The following STK32B variants were observed in gnomAD, a reference collection of about 807,000 sequenced individuals.
The protein encoded by STK32B is serine/threonine-protein kinase 32B.
A neutral mutation model predicts 52.6 loss-of-function variants in STK32B; 43 were observed. The observed-to-expected ratio is 0.82, with a 90% confidence interval of 0.64 to 1.05. STK32B has a LOEUF of 1.05. Ranked by LOEUF, STK32B falls within the 50% of genes least tolerant of loss-of-function variation. STK32B has a pLI of 0.00. For synonymous variants in STK32B, 238 were observed against 204.3 expected (o/e 1.17, Z -1.41); for missense variants, 621 against 534.6 (o/e 1.16, Z -1.59).
At chr4:5,256,852 G>C (rs1461635897) in intron 3 of STK32B, among the ~76,000 whole-genome samples, 3 of 152,104 alleles carry the variant, frequency 2.0e-5, no homozygotes, top group African/African-American at 2.4e-5. Context: ...CTCCTTTCCT[G>C]GTGAGATGGA....
intron 3 of STK32B, among the ~76,000 whole-genome samples, chr4:5,260,614 A>G (rs963604053): frequency 1.3e-5 from 2 of 152,232 alleles, no homozygotes; most frequent in Non-Finnish European, 2.9e-5. Flanking sequence ...GGAGAGAAAC[A>G]TAAGTAAAGG....
chr4:5,357,220 C>T (rs979999613), intron 4 of STK32B, among the ~76,000 whole-genome samples: 3 of 152,118 alleles, frequency 2.0e-5, no homozygotes, highest in East Asian at 3.9e-4. Flanking sequence ...AACCAAATGG[C>T]AGGTTCACAT....
intron 6 of STK32B, among the ~76,000 whole-genome samples, chr4:5,420,000 A>C (rs958516256): frequency 6.6e-6 from 1 of 152,224 alleles, no homozygotes; most frequent in African/African-American, 2.4e-5. Flanking sequence ...TTCATTTAAC[A>C]TGAAGACAGG....
Position 5,394,824 on chromosome 4 carries a change from TAG to T in STK32B, c.435-3379_435-3378del, listed in dbSNP as rs1345465857. On this transcript the variant is annotated intron_variant, in intron 4 of 11. Coordinates refer to ENST00000282908, the MANE Select transcript of STK32B (RefSeq NM_018401.3). This position sits in a 1 kb window ranked among gnomAD's most constrained non-coding sequence, Gnocchi z 4.2. Reference sequence around the variant, plus strand: ...AGTAAGTGGCCCAAGATCATATAGCTAGAGAATTAGTTTTCTATTGTTGTGAA... The same window carrying T: ...AGTAAGTGGCCCAAGATCATATAGCTAGAATTAGTTTTCTATTGTTGTGAA... 3.3e-5 allele frequency among the ~76,000 whole-genome samples: 5 copies of T among 152,238 alleles called. No individual in the cohort carries two copies. Among genetic ancestry groups the T allele is most frequent in the African/African-American group, 1.2e-4 (5 of 41,458 alleles).
chr4:5,438,085 A>T (rs1299544073), intron 6 of STK32B: 3 of 985,428 alleles, frequency 3.0e-6, no homozygotes, highest in East Asian at 2.3e-4. Context: ...ACAAGGTTTG[A>T]TGGGGAACAC....
intron 4 of STK32B, among the ~76,000 whole-genome samples, chr4:5,383,071 G>T (rs1736033254): frequency 6.6e-6 from 1 of 152,188 alleles, no homozygotes; most frequent in African/African-American, 2.4e-5. Flanking sequence ...TTTCAAACCA[G>T]GGCTCCCACA....
the STK32B span, among the ~76,000 whole-genome samples, chr4:5,020,853 T>C: frequency 2.0e-5 from 3 of 152,220 alleles, no homozygotes; most frequent in Non-Finnish European, 4.4e-5. Context: ...TGAATGGGGT[T>C]ATTCCCAATT....
At chr4:5,408,461 C>T (rs1177021876) in intron 5 of STK32B, among the ~76,000 whole-genome samples, 1 of 152,142 alleles carries the variant, frequency 6.6e-6, no homozygotes, top group African/African-American at 2.4e-5. Flanking sequence ...TCTCCAGAAA[C>T]CAAGGAGGTG....
intron 2 of STK32B, among the ~76,000 whole-genome samples, chr4:5,160,436 G>A (rs1261238790): frequency 6.6e-6 from 1 of 152,156 alleles, no homozygotes; most frequent in East Asian, 1.9e-4. Context: ...CACAGAGGCT[G>A]TGCCCTCTCC....
At chr4:5,310,452 A>T (rs1019132115) in intron 3 of STK32B, among the ~76,000 whole-genome samples, 1 of 152,142 alleles carries the variant, frequency 6.6e-6, no homozygotes, top group Non-Finnish European at 1.5e-5. Flanking sequence ...ATCATCACTA[A>T]TCATTAGGGA....
At chr4:5,126,981 T>C in intron 1 of STK32B, 1 of 425,272 alleles carries the variant, frequency 2.4e-6, no homozygotes, top group East Asian at 7.1e-5. Flanking sequence ...ATACTGTCTA[T>C]TCCCTCTCCT....
intron 4 of STK32B, among the ~76,000 whole-genome samples, chr4:5,333,753 T>C (rs1370445688): frequency 1.3e-5 from 2 of 152,194 alleles, no homozygotes; most frequent in Non-Finnish European, 2.9e-5. Flanking sequence ...CCATTGCTTG[T>C]TTTTCTCAGG....
intron 3 of STK32B, among the ~76,000 whole-genome samples, chr4:5,210,246 CTT>C (rs1722829689): frequency 6.6e-6 from 1 of 152,032 alleles, no homozygotes; most frequent in African/African-American, 2.4e-5. Context: ...TCTTCTTCTT[CTT>C]CTCCTCCTCC....
intron 1 of STK32B, among the ~76,000 whole-genome samples, chr4:5,114,623 A>G (rs1443664943): frequency 3.3e-5 from 5 of 152,240 alleles, no homozygotes; most frequent in Non-Finnish European, 7.3e-5. Context: ...TTTCTTTTAA[A>G]GGGAGTCTCG....
At chr4:5,052,762 T>C (rs1419878768) in intron 1 of STK32B, among the ~76,000 whole-genome samples, 3 of 152,302 alleles carry the variant, frequency 2.0e-5, no homozygotes, top group African/African-American at 7.2e-5. Context: ...GTGCCGTTTT[T>C]TATGTTAAGA....
chr4:5,300,498 C>T (rs1219990294), intron 3 of STK32B, among the ~76,000 whole-genome samples: 2 of 152,104 alleles, frequency 1.3e-5, no homozygotes, highest in African/African-American at 4.8e-5. Flanking sequence ...AATTATCTCT[C>T]TTTACAGACC....
chr4:5,227,504 C>T (rs1481429296), intron 3 of STK32B, among the ~76,000 whole-genome samples: 1 of 152,118 alleles, frequency 6.6e-6, no homozygotes, highest in Non-Finnish European at 1.5e-5. Flanking sequence ...TCATATGAGA[C>T]ACAAATTTTC....
In STK32B at chr4:5,191,859, C is replaced by G. The variant is rs548234721; in HGVS notation, c.260+23409C>G. Reference sequence around the variant, plus strand: ...CACATGAATGGTTAAAGAAAAATGTCCTATTCCAAATCCATATTAACTACT... The same window carrying G: ...CACATGAATGGTTAAAGAAAAATGTGCTATTCCAAATCCATATTAACTACT... On this transcript the variant is annotated intron_variant, in intron 3 of 11. Coordinates refer to ENST00000282908, the MANE Select transcript of STK32B (RefSeq NM_018401.3). Among the ~76,000 whole-genome samples the G allele has an allele frequency of 1.2e-4, 19 of 152,298 alleles. No individual in the cohort carries two copies. The South Asian group carries it at 3.9e-3, about 32-fold the overall frequency.
intron 6 of STK32B, among the ~76,000 whole-genome samples, chr4:5,435,436 T>C (rs1713975394): frequency 6.6e-6 from 1 of 152,118 alleles, no homozygotes. Flanking sequence ...TTCTGTGTCG[T>C]CCCAGAGCAA....
Sources: gnomAD v4.1 joint callset for allele counts (sites outside exome capture counted in the v4.1 genomes callset) on GRCh38, gnomAD v4.1.1 for gene constraint, Gnocchi (gnomAD v3.1) non-coding constraint, MANE v1.5 for transcripts, NCBI Gene and HGNC (gene_info 2026-07-23, HGNC 2026-07-21) for gene names.